The following ARHGEF6 variants were observed in gnomAD, a reference collection of about 807,000 sequenced individuals.
ARHGEF6 encodes Rac/Cdc42 guanine nucleotide exchange factor 6.
In ARHGEF6, 9 loss-of-function variants were observed where a neutral mutation model predicts 70.3. The observed-to-expected ratio is 0.13, with a 90% CI of 0.08 to 0.22. The LOEUF is 0.22. Ranked by LOEUF, ARHGEF6 falls within the 10% of genes least tolerant of loss-of-function variation. ARHGEF6 has a pLI of 1.00. For synonymous variants in ARHGEF6, 201 were observed against 207.8 expected, an observed-to-expected ratio of 0.97 and a Z score of 0.28; for missense variants, 470 against 563.0, an observed-to-expected ratio of 0.83 and a Z score of 1.67.
intron 6 of ARHGEF6, among the ~76,000 whole-genome samples, chrX:136,719,659 G>T (rs2076776282): frequency 9.0e-6 from 1 of 110,916 alleles, no homozygotes; most frequent in Admixed American, 9.6e-5. Flanking sequence ...ATAAAAATTA[G>T]GGCAGAAATC....
At chrX:136,741,426 C>T (rs1156332309) in intron 5 of ARHGEF6, among the ~76,000 whole-genome samples, 3 of 111,353 alleles carry the variant, frequency 2.7e-5, no homozygotes, top group African/African-American at 9.8e-5. Flanking sequence ...ACACAGTATA[C>T]AATACATATA....
At chrX:136,683,388 C>T (rs1408832742) in intron 12 of ARHGEF6, among the ~76,000 whole-genome samples, 3 of 110,345 alleles carry the variant, frequency 2.7e-5, no homozygotes, top group Non-Finnish European at 3.8e-5. Context: ...GACGGAGTTT[C>T]GCTCTTTTTG....
At chrX:136,686,642 ACACACATATATATATACACATGTG>A (rs1434606475) in intron 11 of ARHGEF6, among the ~76,000 whole-genome samples, 1 of 62,664 alleles carries the variant, frequency 1.6e-5, no homozygotes, top group Non-Finnish European at 2.6e-5. Flanking sequence ...ATATATATAT[ACACACATATATATATACACATGTG>A]TATATATATA....
At chrX:136,771,065 A>AT (rs766116744) in intron 2 of ARHGEF6, among the ~76,000 whole-genome samples, 3 of 112,317 alleles carry the variant, frequency 2.7e-5, no homozygotes, top group African/African-American at 9.7e-5. Flanking sequence ...AAACAATCCT[A>AT]TTTTTTTATA....
At chrX:136,743,441 C>T in intron 5 of ARHGEF6, 144 bp downstream of exon 5, 1 of 530,607 alleles carries the variant, frequency 1.9e-6, no homozygotes, top group Non-Finnish European at 3.1e-6. Context: ...AGATTTTTCC[C>T]AGTTCTGTTC....
rs190932124 is a variant in ARHGEF6 at position 136,747,154 on chromosome X, G to A, written c.334+354C>T. 3.2e-3 allele frequency among the ~76,000 whole-genome samples: 351 copies of A among 111,297 alleles called. 2 individuals are homozygous for A. The highest frequency in any genetic ancestry group is 0.01 in the African/African-American group (320 of 30,582). On this transcript the variant is annotated intron_variant, in intron 3 of 21. Transcript: ENST00000250617. Reference sequence around the variant, plus strand: ...CAATGAGAAAAATATGTCTCTAGTGGGGAAAGGGAAGTGACGGCTGTATTT... The same window carrying A: ...CAATGAGAAAAATATGTCTCTAGTGAGGAAAGGGAAGTGACGGCTGTATTT...
Position 136,739,436 on chromosome X carries a change from G to A in ARHGEF6, c.661+4149C>T, listed in dbSNP as rs147372721. Among the ~76,000 whole-genome samples the A allele has an allele frequency of 5.7e-3, 641 of 111,809 alleles. 9 individuals are homozygous for A. The highest frequency in any genetic ancestry group is 0.02 in the African/African-American group (609 of 30,755). The stretch of plus-strand genomic sequence containing the variant: ...ACGGGGTCTATGAGGTATAGATTGC[G>A]CCTAGGAGGTACTCAGTGAACAAGC... On this transcript the variant is annotated intron_variant, in intron 5 of 21. Coordinates refer to ENST00000250617, the MANE Select transcript of ARHGEF6 (RefSeq NM_004840.3).
intron 2 of ARHGEF6, among the ~76,000 whole-genome samples, chrX:136,773,663 C>T (rs1039705557): frequency 8.9e-6 from 1 of 112,100 alleles, no homozygotes; most frequent in African/African-American, 3.2e-5. Flanking sequence ...TATTAAGTGC[C>T]TTGGATGTAT....
In ARHGEF6 at chrX:136,745,082, G is replaced by A. The variant is rs2077082003; in HGVS notation, c.459+141C>T. ...TTGCTCCTTCGGGCCAGCCTGAATT[G>A]GTGCTCGGTTTATAATTAGTTTTCT... On this transcript the variant is annotated intron_variant, in intron 4 of 21. Transcript: ENST00000250617. 1.2e-5 allele frequency: 10 copies of A among 834,191 alleles called. No homozygotes were observed. The South Asian group carries it at 1.9e-4, about 16-fold the overall frequency. 68.7% of individuals were successfully genotyped at this position (834,191 alleles called of 1,213,427 possible).
At chrX:136,740,749 T>G (rs753913454) in intron 5 of ARHGEF6, among the ~76,000 whole-genome samples, 5 of 111,959 alleles carry the variant, frequency 4.5e-5, no homozygotes, top group African/African-American at 1.6e-4. Flanking sequence ...TGCTGTTCAC[T>G]TCCCAGGTCC....
intron 2 of ARHGEF6, among the ~76,000 whole-genome samples, chrX:136,756,647 A>G (rs1028314591): frequency 8.9e-6 from 1 of 112,004 alleles, no homozygotes; most frequent in African/African-American, 3.2e-5. Context: ...TACAATTCAC[A>G]TGCCCAAAAT....
chrX:136,733,522 A>G (rs1251161838), intron 5 of ARHGEF6, among the ~76,000 whole-genome samples: 1 of 111,054 alleles, frequency 9.0e-6, no homozygotes, highest in African/African-American at 3.3e-5. Context: ...ATATGCACAC[A>G]CTCTTGGATC....
rs2077068239 is a variant in ARHGEF6, at chrX:136,743,765, G to T, written c.481C>A (p.His161Asn). Residue 161 changes from histidine to asparagine, a missense_variant, in exon 5 of 22, where the codon CAT becomes AAT. By Grantham distance (68) the His-to-Asn change is moderately conservative. Transcript: ENST00000250617. ...KTVEMTENGS[H>N]QLIVKARFNF... is the part of the protein sequence containing the mutation. ...AATCTTGCTTTTACTATCAACTGATGACTTCCATTTTCCGTCATCTCCTAG... is the reference window on the plus strand; with the variant it reads ...AATCTTGCTTTTACTATCAACTGATTACTTCCATTTTCCGTCATCTCCTAG... 8.3e-7 allele frequency: 1 copy of T among 1,209,688 alleles called. No individual in the cohort carries two copies. Among genetic ancestry groups the T allele is most frequent in the African/African-American group, 1.8e-5 (1 of 57,098 alleles).
At chrX:136,777,836 G>A (rs943169998) in intron 2 of ARHGEF6, among the ~76,000 whole-genome samples, 10 of 108,957 alleles carry the variant, frequency 9.2e-5, no homozygotes, top group East Asian at 2.8e-4. Context: ...TGGCATTCAC[G>A]ACAACCTGGG....
intron 20 of ARHGEF6, among the ~76,000 whole-genome samples, chrX:136,670,597 A>G (rs1286100172): frequency 9.0e-6 from 1 of 111,165 alleles, no homozygotes; most frequent in African/African-American, 3.3e-5. Flanking sequence ...CCTAGAAACT[A>G]CCATTCTGCT....
rs186999454 is a variant in ARHGEF6 at position 136,699,714 on chromosome X, G to C, written c.1046+7194C>G. Among the ~76,000 whole-genome samples the C allele has an allele frequency of 2.7e-5, 3 of 111,331 alleles. No homozygotes were observed. In the East Asian group the frequency reaches 8.4e-4, roughly 31 times the overall value. On this transcript the variant is annotated intron_variant, in intron 9 of 21. Transcript: ENST00000250617. ...TGATTTTAATGAATTCCTGGAGTCT[G>C]AATGTGGACCCCAACTTGAGATTTA... is the stretch of plus-strand genomic sequence containing the variant.
At chrX:136,745,425 A>C in intron 3 of ARHGEF6, 78 bp from the exon 4 acceptor site, 1 of 1,121,174 alleles carries the variant, frequency 8.9e-7, no homozygotes, top group Non-Finnish European at 1.2e-6. Context: ...TATCTTTCTC[A>C]GGATACTATC....
At chrX:136,683,752 T>C (rs1481079792) in intron 12 of ARHGEF6, among the ~76,000 whole-genome samples, 1 of 111,699 alleles carries the variant, frequency 9.0e-6, no homozygotes, top group Non-Finnish European at 1.9e-5. Flanking sequence ...CAATTATCCT[T>C]ATGCCTGTCT....
rs546641055 is a variant in ARHGEF6 at position 136,705,096 on chromosome X, G to A, written c.1046+1812C>T. ...CCGTCAAGTGAAGCCAAGGTGGGCG[G>A]ATCATTTGAGGTCAGGAGTTCGAGA... is the stretch of plus-strand genomic sequence containing the variant. On this transcript the variant is annotated intron_variant, in intron 9 of 21. Coordinates refer to ENST00000250617, the MANE Select transcript of ARHGEF6 (RefSeq NM_004840.3). 1.4e-4 allele frequency among the ~76,000 whole-genome samples: 16 copies of A among 110,992 alleles called. No homozygotes were observed. In the South Asian group the frequency reaches 6.2e-3, roughly 43 times the overall value.
Sources: gnomAD v4.1 joint callset for allele counts (sites outside exome capture counted in the v4.1 genomes callset) on GRCh38, gnomAD v4.1.1 for gene constraint, MANE v1.5 for transcripts, NCBI Gene and HGNC (gene_info 2026-07-23, HGNC 2026-07-21) for gene names.